Variants in KLF8 observed in about 807,000 individuals in gnomAD.
KLF8 encodes Krueppel-like factor 8.
In KLF8, 10 loss-of-function variants were observed where a neutral mutation model predicts 18.2. The ratio of observed to expected loss-of-function variants is 0.55; its 90% CI spans 0.34 to 0.93. The LOEUF (loss-of-function observed/expected upper bound fraction) is 0.93, where lower values mean the gene tolerates loss of function less well. Among genes scored for constraint, KLF8 ranks in the 40% least tolerant of loss-of-function variants. The pLI is 0.02. For synonymous variants in KLF8, 109 were observed against 97.3 expected (o/e 1.12, Z -0.71); for missense variants, 264 against 277.9 (o/e 0.95, Z 0.36).
chrX:55,941,721 C>T, the KLF8 span, among the ~76,000 whole-genome samples: 3 of 112,121 alleles, frequency 2.7e-5, no homozygotes, highest in African/African-American at 9.7e-5. Flanking sequence ...TGAACAGACA[C>T]TTCTCAAAAG....
the KLF8 span, among the ~76,000 whole-genome samples, chrX:56,162,348 G>C: frequency 8.9e-6 from 1 of 112,034 alleles, no homozygotes; most frequent in East Asian, 2.8e-4. Flanking sequence ...CTTTTGTTTG[G>C]CTATGCCCTG....
At chrX:56,150,583 G>A in the KLF8 span, among the ~76,000 whole-genome samples, 1 of 110,719 alleles carries the variant, frequency 9.0e-6, no homozygotes, top group Non-Finnish European at 1.9e-5. Context: ...TGGATGCTTG[G>A]GGACCCCTCC....
At chrX:56,034,748 CTTTTTTTTTTTTT>C in the KLF8 span, among the ~76,000 whole-genome samples, 2 of 53,819 alleles carry the variant, frequency 3.7e-5, no homozygotes, top group African/African-American at 1.5e-4. Context: ...GAACTTATTT[CTTTTTTTTTTTTT>C]TTTTTTTTTT....
At chrX:56,183,049 C>T in the KLF8 span, among the ~76,000 whole-genome samples, 2 of 112,612 alleles carry the variant, frequency 1.8e-5, no homozygotes, top group African/African-American at 3.2e-5. Flanking sequence ...TTTTATTCCG[C>T]TATGCCCTGC....
the KLF8 span, among the ~76,000 whole-genome samples, chrX:55,950,812 G>A: frequency 8.9e-5 from 10 of 111,927 alleles, no homozygotes; most frequent in South Asian, 3.0e-3. Context: ...AGTAACTTGA[G>A]GGTAGAGATA....
chrX:56,135,513 G>A, the KLF8 span, among the ~76,000 whole-genome samples: 2 of 110,148 alleles, frequency 1.8e-5, no homozygotes, highest in South Asian at 3.9e-4. Flanking sequence ...AGAACACATG[G>A]ACACAGGAAG....
chrX:56,046,397 T>A, the KLF8 span, among the ~76,000 whole-genome samples: 2 of 111,595 alleles, frequency 1.8e-5, no homozygotes, highest in Non-Finnish European at 3.8e-5. Flanking sequence ...ACTTAGCTCA[T>A]TTACATTCAA....
chrX:56,232,105 A>G (rs1451581117), upstream of KLF8, among the ~76,000 whole-genome samples: 1 of 111,377 alleles, frequency 9.0e-6, no homozygotes, highest in Admixed American at 9.5e-5. Flanking sequence ...CCCCAATCCC[A>G]GTACCCGTTT....
At chrX:56,014,929 G>A in the KLF8 span, 1 of 97,309 alleles carries the variant, frequency 1.0e-5, no homozygotes, top group Non-Finnish European at 2.0e-5. Context: ...TCACTTATAA[G>A]TGGGAACTGA....
the KLF8 span, among the ~76,000 whole-genome samples, chrX:56,055,627 A>G: frequency 1.8e-5 from 2 of 112,290 alleles, no homozygotes; most frequent in African/African-American, 6.5e-5. Flanking sequence ...TAGGTTGAAG[A>G]AGTTCTCATG....
chrX:56,255,984 T>G (rs1193296662), intron 2 of KLF8, among the ~76,000 whole-genome samples: 1 of 111,877 alleles, frequency 8.9e-6, no homozygotes, highest in African/African-American at 3.3e-5. Context: ...AAATGTTTGG[T>G]AGAATTCAGC....
chrX:56,284,242 A>C, intron 5 of KLF8, 71 bp from the exon 6 acceptor site: 1 of 832,737 alleles, frequency 1.2e-6, no homozygotes, highest in Non-Finnish European at 1.6e-6. Flanking sequence ...CGAGTTATGT[A>C]TTCTATTATC....
chrX:55,909,803 C>T, the KLF8 span, among the ~76,000 whole-genome samples: 1 of 112,211 alleles, frequency 8.9e-6, no homozygotes, highest in Non-Finnish European at 1.9e-5. Context: ...GCCACTTTGG[C>T]GTTATCCATG....
the KLF8 span, among the ~76,000 whole-genome samples, chrX:56,152,278 G>T: frequency 9.0e-6 from 1 of 111,445 alleles, no homozygotes; most frequent in Admixed American, 9.6e-5. Flanking sequence ...CATAGTGCAT[G>T]GCAGATGGTA....
At chrX:56,087,379 T>C in the KLF8 span, among the ~76,000 whole-genome samples, 2 of 110,704 alleles carry the variant, frequency 1.8e-5, no homozygotes, top group African/African-American at 6.6e-5. Context: ...GCTTTTCTCA[T>C]AATAGTGAGT....
chrX:56,129,370 A>T, the KLF8 span, among the ~76,000 whole-genome samples: 1 of 112,186 alleles, frequency 8.9e-6, no homozygotes, highest in African/African-American at 3.2e-5. Flanking sequence ...AAAGTGGGAA[A>T]GGGGGATTGT....
At chrX:56,135,769 C>T in the KLF8 span, among the ~76,000 whole-genome samples, 2 of 111,950 alleles carry the variant, frequency 1.8e-5, no homozygotes, top group African/African-American at 6.5e-5. Context: ...TACTGAATGA[C>T]TTTCAGGTAA....
upstream of KLF8, among the ~76,000 whole-genome samples, chrX:56,231,691 C>T (rs190371832): frequency 1.4e-3 from 156 of 111,465 alleles, no homozygotes; most frequent in Admixed American, 5.7e-3. Context: ...GTAAAGAAAT[C>T]CTGGAAACAT....
chrX:56,198,265 G>C, the KLF8 span, among the ~76,000 whole-genome samples: 1 of 111,768 alleles, frequency 8.9e-6, no homozygotes, highest in Non-Finnish European at 1.9e-5. Flanking sequence ...AAGAAATTAA[G>C]GGTATTCAAT....
Sources: gnomAD v4.1 joint callset for allele counts (sites outside exome capture counted in the v4.1 genomes callset) on GRCh38, gnomAD v4.1.1 for gene constraint, MANE v1.5 for transcripts, NCBI Gene and HGNC (gene_info 2026-07-23, HGNC 2026-07-21) for gene names.